The following PCDHA2 variants were observed in gnomAD, a reference collection of about 807,000 sequenced individuals.
The protein encoded by PCDHA2 is protocadherin alpha-2.
Under a neutral mutation model 66.0 loss-of-function variants are expected in PCDHA2, and 58 were observed. The ratio of observed to expected loss-of-function variants is 0.88; its 90% CI spans 0.71 to 1.09. The LOEUF (loss-of-function observed/expected upper bound fraction) is 1.09. Ranked by LOEUF, PCDHA2 falls within the 50% of genes least tolerant of loss-of-function variation. PCDHA2 has a pLI of 0.00. For synonymous variants in PCDHA2, 634 were observed against 554.0 expected, an observed-to-expected ratio of 1.14 and a Z score of -2.03; for missense variants, 1,267 against 1,242.3, an observed-to-expected ratio of 1.02 and a Z score of -0.30.
intron 1 of PCDHA2, among the ~76,000 whole-genome samples, chr5:140,917,131 G>C (rs572644426): frequency 6.6e-6 from 1 of 152,072 alleles, no homozygotes; most frequent in Non-Finnish European, 1.5e-5. Flanking sequence ...GACTCCCCAC[G>C]TTGCTCAGCT....
At chr5:140,835,547 C>G (rs2150237870) in intron 1 of PCDHA2, 13 of 1,613,960 alleles carry the variant, frequency 8.1e-6, no homozygotes, top group South Asian at 2.2e-5. Context: ...TTACCTGCTC[C>G]CTGACGCCCC....
At chr5:140,927,189 G>T in intron 1 of PCDHA2, 1 of 1,614,150 alleles carries the variant, frequency 6.2e-7, no homozygotes. Flanking sequence ...CCTACGACCT[G>T]GTGCTCGAGG....
intron 1 of PCDHA2, chr5:140,811,156 C>A (rs1183690629): frequency 6.6e-6 from 1 of 152,246 alleles, no homozygotes; most frequent in Non-Finnish European, 1.5e-5. Context: ...TATCCCTCCC[C>A]CAGTCCCCCA....
At chr5:140,827,571 A>C (rs1769334993) in intron 1 of PCDHA2, among the ~76,000 whole-genome samples, 2 of 152,232 alleles carry the variant, frequency 1.3e-5, no homozygotes, top group Admixed American at 1.3e-4. Flanking sequence ...AGCACTATAT[A>C]ATAGCATGTC....
intron 1 of PCDHA2, chr5:140,929,206 C>T (rs1554206828): frequency 2.5e-6 from 4 of 1,614,018 alleles, no homozygotes; most frequent in Non-Finnish European, 1.7e-6. Flanking sequence ...TTTGCTGTTG[C>T]GTGGGGAGTA....
At chr5:141,007,235 T>G (rs2098311065) in intron 3 of PCDHA2, among the ~76,000 whole-genome samples, 1 of 151,964 alleles carries the variant, frequency 6.6e-6, no homozygotes, top group Non-Finnish European at 1.5e-5. Context: ...GAAGGATTGT[T>G]GAGCTGAAGG....
intron 1 of PCDHA2, chr5:140,835,866 G>A (rs2150246890): frequency 6.2e-7 from 1 of 1,612,132 alleles, no homozygotes. Context: ...CTACTCGCTG[G>A]TGGAGCTGCG....
chr5:140,819,291 G>A (rs2150103686), intron 1 of PCDHA2, among the ~76,000 whole-genome samples: 6 of 152,022 alleles, frequency 3.9e-5, no homozygotes, highest in Non-Finnish European at 8.8e-5. Context: ...GAAAAATATA[G>A]CTTATTAAAA....
At chr5:140,876,759 TG>T (rs2056563971) in intron 1 of PCDHA2, 10 of 1,614,028 alleles carry the variant, frequency 6.2e-6, no homozygotes, top group African/African-American at 2.7e-5. Context: ...CTGCGCGGGA[TG>T]GGGGCTCGCC....
intron 1 of PCDHA2, among the ~76,000 whole-genome samples, chr5:140,798,732 T>G (rs559246584): frequency 1.3e-5 from 2 of 152,354 alleles, no homozygotes; most frequent in African/African-American, 4.8e-5. Flanking sequence ...CATTTTCACT[T>G]GAAACATTTA....
chr5:140,863,062 G>C (rs62384481), intron 1 of PCDHA2: 2 of 565,590 alleles, frequency 3.5e-6, no homozygotes, highest in African/African-American at 3.8e-5. Flanking sequence ...CCCGTTCCAC[G>C]TGGGGCTCTG....
chr5:140,846,192 T>C (rs1293745593), intron 1 of PCDHA2, among the ~76,000 whole-genome samples: 1 of 149,496 alleles, frequency 6.7e-6, no homozygotes, highest in Non-Finnish European at 1.5e-5. Flanking sequence ...TTGAGTTCTT[T>C]GTATGTATGA....
In PCDHA2 at chr5:140,870,537, G is replaced by A. The variant is rs575452776; in HGVS notation, c.2388+73185G>A. On this transcript the variant is annotated intron_variant, in intron 1 of 3. Transcript: ENST00000526136. ...GCTGCCACATCTTCACAGTGTCGGC[G>A]CGGGACGCGGACGCGCAGGAGAACG... 9.3e-6 allele frequency: 15 copies of A among 1,614,172 alleles called. No homozygotes were observed. In the African/African-American group the frequency reaches 1.7e-4, roughly 19 times the overall value.
At position 140,943,102 on chromosome 5, in the gene PCDHA2, A is replaced by G. The variant is rs142380810; in HGVS notation, c.2389-35847A>G. 2.6e-3 allele frequency among the ~76,000 whole-genome samples: 391 copies of G among 151,972 alleles called. 4 individuals are homozygous for G. In the East Asian group the frequency reaches 0.045, roughly 17 times the overall value. ...TGAAATCCTGCCTCTACTAAAAAAT[A>G]CAAAAATTAGCCAGGTGTGGTAGTG... On this transcript the variant is annotated intron_variant, in intron 1 of 3. Transcript: ENST00000526136.
At chr5:140,876,635 C>T (rs1554168754) in intron 1 of PCDHA2, 1 of 1,614,208 alleles carries the variant, frequency 6.2e-7, no homozygotes, top group East Asian at 2.2e-5. Flanking sequence ...GTCATCTGCT[C>T]ACTGACACCT....
chr5:140,914,458 A>T (rs1294717004), intron 1 of PCDHA2, among the ~76,000 whole-genome samples: 2 of 152,004 alleles, frequency 1.3e-5, no homozygotes, highest in African/African-American at 4.8e-5. Flanking sequence ...TTTCCAGTCT[A>T]TGTGTATCTT....
chr5:140,812,396 G>A (rs1440130851), intron 1 of PCDHA2: 1 of 151,718 alleles, frequency 6.6e-6, no homozygotes, highest in East Asian at 1.9e-4. Flanking sequence ...GTCTAGCTAA[G>A]GGGCTTGTCA....
At chr5:140,944,558 G>A (rs140707063) in intron 1 of PCDHA2, among the ~76,000 whole-genome samples, 10 of 152,230 alleles carry the variant, frequency 6.6e-5, no homozygotes, top group African/African-American at 2.2e-4. Flanking sequence ...TAGTTTTCCT[G>A]GCAACTTACT....
At chr5:140,809,829 T>A (rs1319284228) in intron 1 of PCDHA2, 1 of 363,652 alleles carries the variant, frequency 2.7e-6, no homozygotes, top group Non-Finnish European at 4.9e-6. Flanking sequence ...TCACCCTCTT[T>A]GTTTTTGGTA....
Sources: gnomAD v4.1 joint callset for allele counts (sites outside exome capture counted in the v4.1 genomes callset) on GRCh38, gnomAD v4.1.1 for gene constraint, MANE v1.5 for transcripts, NCBI Gene and HGNC (gene_info 2026-07-23, HGNC 2026-07-21) for gene names.